Variants in RAB31 observed in about 807,000 individuals in gnomAD.
RAB31 encodes the protein RAB31, member RAS oncogene family.
Under a neutral mutation model 25.6 loss-of-function variants are expected in RAB31, and 21 were observed. The observed-to-expected ratio is 0.82, with a 90% CI of 0.58 to 1.18. The LOEUF (loss-of-function observed/expected upper bound fraction) is 1.18. Among genes scored for constraint, RAB31 ranks in the 50% most tolerant of loss-of-function variants. RAB31 has a pLI of 0.00. For synonymous variants in RAB31, 87 were observed against 84.0 expected (o/e 1.04, Z -0.20); for missense variants, 196 against 250.1 (o/e 0.78, Z 1.46).
rs898279293 is a variant in RAB31, at chr18:9,821,347, G to T, written c.380+6125G>T. Among the ~76,000 whole-genome samples, 4 of 152,086 alleles carry T rather than the reference G, an allele frequency of 2.6e-5. No individual in the cohort carries two copies. In the South Asian group the frequency reaches 6.2e-4, roughly 24 times the overall value. ...TACACTTGCTATTCTCCCTTAGAGA[G>T]AAAGTCTAAGGTTGAGGGCCCTCTG... is the stretch of plus-strand genomic sequence containing the variant. On this transcript the variant is annotated intron_variant, in intron 5 of 6. Transcript: ENST00000578921.
intron 5 of RAB31, among the ~76,000 whole-genome samples, chr18:9,836,269 A>G (rs776934040): frequency 6.6e-6 from 1 of 152,166 alleles, no homozygotes; most frequent in Non-Finnish European, 1.5e-5. Context: ...GTCTGGCAGA[A>G]TATAATATAC....
At chr18:9,727,686 C>T (rs1012768505) in intron 1 of RAB31, among the ~76,000 whole-genome samples, 1 of 152,204 alleles carries the variant, frequency 6.6e-6, no homozygotes, top group Non-Finnish European at 1.5e-5. Context: ...ACAGTTCTCT[C>T]AAATATTAAA....
chr18:9,791,657 C>T (rs562094775), intron 2 of RAB31, among the ~76,000 whole-genome samples: 1 of 151,650 alleles, frequency 6.6e-6, no homozygotes, highest in African/African-American at 2.4e-5. Flanking sequence ...ACCATGGTGC[C>T]ATCTTGGCTC....
At chr18:9,740,007 A>T (rs2068170016) in intron 1 of RAB31, among the ~76,000 whole-genome samples, 1 of 152,216 alleles carries the variant, frequency 6.6e-6, no homozygotes, top group Admixed American at 6.5e-5. Context: ...TTTGATCTGC[A>T]AACTTGGAGC....
intron 1 of RAB31, among the ~76,000 whole-genome samples, chr18:9,738,489 T>C (rs2068161694): frequency 6.6e-6 from 1 of 152,154 alleles, no homozygotes; most frequent in East Asian, 1.9e-4. Context: ...GTCATGAAGT[T>C]TCCATAAAAA....
chr18:9,765,315 C>T (rs376691907), intron 1 of RAB31, among the ~76,000 whole-genome samples: 1 of 152,184 alleles, frequency 6.6e-6, no homozygotes, highest in South Asian at 2.1e-4. Flanking sequence ...GGTTTTCTCA[C>T]TACAGTAACA....
intron 1 of RAB31, among the ~76,000 whole-genome samples, chr18:9,735,131 T>C (rs2045230): frequency 0.94 from 143,353 of 152,014 alleles, 67,692 homozygotes; most frequent in African/African-American, 0.98. Context: ...GATTCTCCTG[T>C]CTCAGCCTCT....
At chr18:9,710,311 A>G (rs554408905) in intron 1 of RAB31, among the ~76,000 whole-genome samples, 1 of 152,358 alleles carries the variant, frequency 6.6e-6, no homozygotes, top group African/African-American at 2.4e-5. Context: ...TGATCTCTTA[A>G]GATACATGTT....
At chr18:9,832,671 A>G (rs998498650) in intron 5 of RAB31, among the ~76,000 whole-genome samples, 43 of 152,242 alleles carry the variant, frequency 2.8e-4, no homozygotes, top group African/African-American at 1.0e-3. Context: ...GTGGAGGACA[A>G]GGACTTGGCA....
chr18:9,820,499 G>A (rs1055964758), intron 5 of RAB31, among the ~76,000 whole-genome samples: 2 of 151,938 alleles, frequency 1.3e-5, no homozygotes, highest in Non-Finnish European at 2.9e-5. Flanking sequence ...TTGGTATCAG[G>A]GCAATAACAG....
intron 1 of RAB31, among the ~76,000 whole-genome samples, chr18:9,763,326 C>G (rs1438964786): frequency 1.3e-5 from 2 of 151,514 alleles, no homozygotes; most frequent in African/African-American, 4.9e-5. Flanking sequence ...AGAAGCAGAC[C>G]CACAGAGAAT....
chr18:9,746,271 G>A (rs1026458743), intron 1 of RAB31, among the ~76,000 whole-genome samples: 1 of 152,162 alleles, frequency 6.6e-6, no homozygotes, highest in African/African-American at 2.4e-5. Context: ...AATCAAAGAA[G>A]ACATAAGTAA....
At chr18:9,779,900 C>T (rs867506847) in intron 2 of RAB31, among the ~76,000 whole-genome samples, 5 of 152,106 alleles carry the variant, frequency 3.3e-5, no homozygotes, top group African/African-American at 7.2e-5. Context: ...TTCGACTGGG[C>T]GTGGTGGCTC....
At chr18:9,770,473 A>G (rs150601684) in intron 1 of RAB31, among the ~76,000 whole-genome samples, 1 of 152,334 alleles carries the variant, frequency 6.6e-6, no homozygotes, top group East Asian at 1.9e-4. Context: ...AAGTGTGACA[A>G]TTCAAACAGC....
At position 9,804,383 on chromosome 18, in the gene RAB31, G is replaced by C. The variant is rs369241520; in HGVS notation, c.202-9637G>C. Among the ~76,000 whole-genome samples, 35 of 152,180 alleles carry C rather than the reference G, an allele frequency of 2.3e-4. 1 individual carries two copies. The highest frequency in any genetic ancestry group is 7.2e-4 in the African/African-American group (30 of 41,432). On this transcript the variant is annotated intron_variant, in intron 3 of 6. Transcript: ENST00000578921. ...GAGTAGCTTCTAATTATGAGGCACT[G>C]TCTGTGCCTCTTGGGTGGAGGCCAA...
chr18:9,763,445 A>G (rs1351868954), intron 1 of RAB31, among the ~76,000 whole-genome samples: 1 of 152,176 alleles, frequency 6.6e-6, no homozygotes, highest in Admixed American at 6.5e-5. Flanking sequence ...AAACTAGGAA[A>G]GGAATAAAAC....
chr18:9,716,904 G>A (rs1485487953), intron 1 of RAB31, among the ~76,000 whole-genome samples: 1 of 116,384 alleles, frequency 8.6e-6, no homozygotes, highest in Admixed American at 8.1e-5. Context: ...CACCACACTT[G>A]GCTAATTTTC....
At position 9,758,535 on chromosome 18, in the gene RAB31, G is replaced by A. The variant is rs1018581857; in HGVS notation, c.40-16743G>A. Reference sequence around the variant, plus strand: ...TTTTGGTTTCAGATTTAGTGCCCCTGCCTCCATGAAGCCTTTCCTGATTGT... The same window carrying A: ...TTTTGGTTTCAGATTTAGTGCCCCTACCTCCATGAAGCCTTTCCTGATTGT... On this transcript the variant is annotated intron_variant, in intron 1 of 6. Transcript: ENST00000578921. Among the ~76,000 whole-genome samples the A allele has an allele frequency of 3.3e-5, 5 of 152,178 alleles. 1 individual carries two copies. The highest frequency in any genetic ancestry group is 2.1e-4 in the South Asian group (1 of 4,822).
At chr18:9,813,707 C>T (rs908406344) in intron 3 of RAB31, among the ~76,000 whole-genome samples, 3 of 152,008 alleles carry the variant, frequency 2.0e-5, no homozygotes, top group Non-Finnish European at 4.4e-5. Flanking sequence ...CAAAAATGAT[C>T]CAGATGTGGT....
Sources: allele counts gnomAD v4.1 joint callset (sites outside exome capture counted in the v4.1 genomes callset), GRCh38; gene constraint gnomAD v4.1.1; transcripts MANE v1.5; gene names NCBI Gene and HGNC (gene_info 2026-07-23, HGNC 2026-07-21).